Variants in DMXL1 observed in about 807,000 individuals in gnomAD.
The protein encoded by DMXL1 is dmX-like protein 1.
A neutral mutation model predicts 319.2 loss-of-function variants in DMXL1; 99 were observed. The ratio of observed to expected loss-of-function variants is 0.31; its 90% CI spans 0.26 to 0.37. The LOEUF (loss-of-function observed/expected upper bound fraction) is 0.37, where lower values mean the gene tolerates loss of function less well. Ranked by LOEUF, DMXL1 falls within the 10% of genes least tolerant of loss-of-function variation. The pLI is 1.00. For missense variants in DMXL1, 3,745 were observed against 3,595.6 expected (o/e 1.04, Z -1.06); for synonymous variants, 1,385 against 1,235.2 (o/e 1.12, Z -2.54).
intron 9 of DMXL1, among the ~76,000 whole-genome samples, chr5:119,124,768 G>A (rs1410291842): frequency 6.6e-6 from 1 of 151,940 alleles, no homozygotes. Flanking sequence ...GTTTCACCAT[G>A]TTGGCCAGGC....
chr5:119,203,981 C>A (rs924160212), intron 33 of DMXL1, among the ~76,000 whole-genome samples: 3 of 152,012 alleles, frequency 2.0e-5, no homozygotes, highest in Non-Finnish European at 4.4e-5. Context: ...CGCCACCACG[C>A]CCAACTAATT....
chr5:119,189,756 C>G lies in DMXL1; in HGVS notation c.7184C>G (p.Pro2395Arg), dbSNP rs1211505718. The change falls in exon 29 of 44, where the codon CCG (proline) becomes CGG (arginine). Residue 2395 changes from proline to arginine, a missense_variant. Coordinates refer to ENST00000539542, the MANE Select transcript of DMXL1 (RefSeq NM_001290321.3). ...EGEKQNKRFR[P>R]SKMSCRESAP... ...GAAAAACAGAACAAACGTTTTAGGC[C>G]GTCAAAAATGTCTTGCAGAGAATCT... 7 of 1,613,920 alleles carry G rather than the reference C, an allele frequency of 4.3e-6. No homozygotes were observed. Among genetic ancestry groups the G allele is most frequent in the Non-Finnish European group, 5.1e-6 (6 of 1,179,964 alleles).
At chr5:119,186,173 A>G (rs556669474) in intron 28 of DMXL1, among the ~76,000 whole-genome samples, 53 of 152,356 alleles carry the variant, frequency 3.5e-4, no homozygotes, top group African/African-American at 1.2e-3. Context: ...AGCTTCGTGT[A>G]TACTCTGGCA....
chr5:119,121,813 G>C (rs1427662370), intron 9 of DMXL1, among the ~76,000 whole-genome samples: 1 of 152,164 alleles, frequency 6.6e-6, no homozygotes, highest in East Asian at 1.9e-4. Flanking sequence ...TCCCAGACGG[G>C]GTGGTGGCCG....
chr5:119,125,482 A>G (rs536587059), intron 9 of DMXL1, among the ~76,000 whole-genome samples: 2 of 152,338 alleles, frequency 1.3e-5, no homozygotes, highest in South Asian at 2.1e-4. Flanking sequence ...AAATGTTGTT[A>G]CAAAAATGAA....
At chr5:119,165,306 G>C (rs775631557) in intron 21 of DMXL1, 26 bp downstream of exon 21, 3 of 1,025,084 alleles carry the variant, frequency 2.9e-6, no homozygotes, top group Non-Finnish European at 4.4e-6. Context: ...AAAAAAAAAG[G>C]GTGCTTCAAT....
At chr5:119,160,038 TCTC>T (rs1183781100) in intron 19 of DMXL1, among the ~76,000 whole-genome samples, 1 of 152,166 alleles carries the variant, frequency 6.6e-6, no homozygotes, top group Non-Finnish European at 1.5e-5. Context: ...TTTATTTATT[TCTC>T]CTCTGATTTT....
chr5:119,219,324 A>G (rs1007472274), intron 35 of DMXL1, among the ~76,000 whole-genome samples: 18 of 152,176 alleles, frequency 1.2e-4, no homozygotes, highest in African/African-American at 4.3e-4. Flanking sequence ...CATCCTGGCA[A>G]TTATACTGCA....
chr5:119,139,498 T>G (rs1014227207), intron 13 of DMXL1, among the ~76,000 whole-genome samples: 1 of 152,170 alleles, frequency 6.6e-6, no homozygotes, highest in Non-Finnish European at 1.5e-5. Context: ...AAGCAGACTC[T>G]GAACCAACAA....
intron 34 of DMXL1, among the ~76,000 whole-genome samples, chr5:119,213,286 T>C (rs1783118385): frequency 6.6e-6 from 1 of 152,186 alleles, no homozygotes; most frequent in Admixed American, 6.5e-5. Context: ...ATCATCTAAT[T>C]TCTGCTCTGT....
intron 19 of DMXL1, among the ~76,000 whole-genome samples, chr5:119,163,556 A>G (rs1177964040): frequency 6.6e-6 from 1 of 152,090 alleles, no homozygotes; most frequent in East Asian, 1.9e-4. Flanking sequence ...AGCTGGGATT[A>G]CAGGCACATA....
intron 19 of DMXL1, among the ~76,000 whole-genome samples, chr5:119,157,794 G>A (rs1357284264): frequency 6.6e-6 from 1 of 152,082 alleles, no homozygotes; most frequent in African/African-American, 2.4e-5. Context: ...TTTACTTTGA[G>A]TATTTGGTGT....
At chr5:119,075,032 C>G (rs1186424076) in intron 1 of DMXL1, among the ~76,000 whole-genome samples, 1 of 152,054 alleles carries the variant, frequency 6.6e-6, no homozygotes, top group East Asian at 1.9e-4. Context: ...ACATGTAAAA[C>G]TCTCAAAAAT....
rs374547856 is a variant in DMXL1, at chr5:119,146,992, T to C, written c.2689+36T>C. ...TGTGTGTGTGTTTGTGCAACTTTAA[T>C]AGGTGTAAGTTAACAAATTACACAA... On this transcript the variant is annotated intron_variant, in intron 16 of 43. Coordinates refer to ENST00000539542, the MANE Select transcript of DMXL1 (RefSeq NM_001290321.3). The C allele has an allele frequency of 1.7e-5, 27 of 1,601,654 alleles. No individual in the cohort carries two copies. In the African/African-American group the frequency reaches 3.0e-4, roughly 18 times the overall value.
chr5:119,131,949 C>A (rs1043911224), intron 10 of DMXL1, among the ~76,000 whole-genome samples: 1 of 152,074 alleles, frequency 6.6e-6, no homozygotes, highest in African/African-American at 2.4e-5. Flanking sequence ...ACACTCAAGG[C>A]AAAGAGATAA....
chr5:119,175,978 T>C (rs767582742), intron 26 of DMXL1, among the ~76,000 whole-genome samples: 5 of 152,098 alleles, frequency 3.3e-5, no homozygotes, highest in Non-Finnish European at 7.4e-5. Flanking sequence ...TAAACAGATA[T>C]TGCAACTTCT....
At chr5:119,231,117 T>TAG (rs1276112750) in intron 38 of DMXL1, among the ~76,000 whole-genome samples, 1 of 152,176 alleles carries the variant, frequency 6.6e-6, no homozygotes, top group Non-Finnish European at 1.5e-5. Context: ...TGTGAAGCAT[T>TAG]AGAGATTCCC....
chr5:119,173,662 AGTAGGAT>A (rs1391721929), intron 25 of DMXL1, among the ~76,000 whole-genome samples: 1 of 132,704 alleles, frequency 7.5e-6, no homozygotes, highest in Non-Finnish European at 1.6e-5. Context: ...AAACAGAATC[AGTAGGAT>A]GTATGTGTGT....
chr5:119,178,299 T>C, intron 28 of DMXL1, 55 bp downstream of exon 28: 1 of 1,529,544 alleles, frequency 6.5e-7, no homozygotes, highest in African/African-American at 1.4e-5. Flanking sequence ...AGTGATATCA[T>C]TCTCAAACGT....
Sources: allele counts gnomAD v4.1 joint callset (sites outside exome capture counted in the v4.1 genomes callset), GRCh38; gene constraint gnomAD v4.1.1; transcripts MANE v1.5; gene names NCBI Gene and HGNC (gene_info 2026-07-23, HGNC 2026-07-21).